Variants in SLC1A3 observed in about 807,000 individuals in gnomAD.
The protein encoded by SLC1A3 is solute carrier family 1 member 3, also known as excitatory amino acid transporter 1.
Under a neutral mutation model 48.1 loss-of-function variants are expected in SLC1A3, and 21 were observed. That is an observed-to-expected ratio of 0.44 (90% CI 0.31 to 0.63). The LOEUF (loss-of-function observed/expected upper bound fraction) is 0.63, where lower values mean the gene tolerates loss of function less well. Ranked by LOEUF, SLC1A3 falls within the 20% of genes least tolerant of loss-of-function variation. The pLI, the probability that SLC1A3 is intolerant of heterozygous loss-of-function variation, is 0.08. For missense variants in SLC1A3, 546 were observed against 689.0 expected (o/e 0.79, Z 2.32); for synonymous variants, 239 against 251.4 (o/e 0.95, Z 0.47).
chr5:36,683,156 T>C (rs10941312), intron 8 of SLC1A3, among the ~76,000 whole-genome samples: 64,648 of 152,080 alleles, frequency 0.43, 14,747 homozygotes, highest in African/African-American at 0.57. Flanking sequence ...TCCACTTGGA[T>C]AGGGGAATTA....
intron 3 of SLC1A3, among the ~76,000 whole-genome samples, chr5:36,653,667 A>G (rs1741174375): frequency 1.3e-5 from 2 of 152,188 alleles, no homozygotes; most frequent in Admixed American, 6.5e-5. Context: ...CTTCTTTCTC[A>G]ACCTGATGCA....
At chr5:36,679,194 G>T (rs1742330822) in intron 6 of SLC1A3, among the ~76,000 whole-genome samples, 1 of 152,168 alleles carries the variant, frequency 6.6e-6, no homozygotes, top group Non-Finnish European at 1.5e-5. Context: ...TGGTACAGTG[G>T]ATTCCGGCTG....
chr5:36,671,022 C>T lies in SLC1A3; in HGVS notation c.320-7C>T, dbSNP rs200867287. 1,826 of 1,613,358 alleles carry T rather than the reference C, an allele frequency of 1.1e-3. 3 individuals are homozygous for T. Among genetic ancestry groups the T allele is most frequent in the Non-Finnish European group, 1.5e-3 (1,759 of 1,179,510 alleles). ...CTTCCTGAAAATCTTCTGTTTGCCT[C>T]CACCAGGAATGGCGGCGCTAGATAG... On this transcript the variant is annotated splice_polypyrimidine_tract_variant and splice_region_variant and intron_variant, in intron 3 of 9. Coordinates refer to ENST00000265113, the MANE Select transcript of SLC1A3 (RefSeq NM_004172.5).
intron 3 of SLC1A3, among the ~76,000 whole-genome samples, chr5:36,670,394 A>G (rs548496942): frequency 3.3e-4 from 50 of 152,216 alleles, no homozygotes; most frequent in Non-Finnish European, 6.5e-4. Context: ...GAGATGAAAT[A>G]ATAGCAGAGA....
At chr5:36,674,018 AT>A (rs1467836378) in intron 4 of SLC1A3, 30 bp from the exon 5 acceptor site, 5 of 1,601,948 alleles carry the variant, frequency 3.1e-6, no homozygotes, top group African/African-American at 1.3e-5. Flanking sequence ...TACTTGGAAA[AT>A]TTTGCAAGTG....
At chr5:36,627,245 C>T (rs1160247290) in intron 2 of SLC1A3, among the ~76,000 whole-genome samples, 1 of 152,048 alleles carries the variant, frequency 6.6e-6, no homozygotes, top group African/African-American at 2.4e-5. Flanking sequence ...AAATAGTCAA[C>T]ATCATTAGAT....
intron 8 of SLC1A3, among the ~76,000 whole-genome samples, chr5:36,681,681 C>T (rs1173213009): frequency 2.0e-5 from 3 of 152,180 alleles, no homozygotes; most frequent in Admixed American, 6.5e-5. Context: ...GCCAGGCATA[C>T]GCATGTGCAT....
At chr5:36,643,505 T>C (rs1036460123) in intron 3 of SLC1A3, among the ~76,000 whole-genome samples, 6 of 152,214 alleles carry the variant, frequency 3.9e-5, no homozygotes, top group African/African-American at 1.4e-4. Context: ...CATTTTTTAA[T>C]GGGGGTGGCT....
chr5:36,643,979 T>C (rs572598228), intron 3 of SLC1A3, among the ~76,000 whole-genome samples: 12 of 151,318 alleles, frequency 7.9e-5, no homozygotes, highest in African/African-American at 2.7e-4. Flanking sequence ...GCCATTGCAC[T>C]CCAGCCTGGG....
At chr5:36,618,552 G>A (rs952633130) in intron 2 of SLC1A3, among the ~76,000 whole-genome samples, 3 of 152,124 alleles carry the variant, frequency 2.0e-5, no homozygotes, top group Admixed American at 6.5e-5. Context: ...GATGGGTCTC[G>A]GCTGGGCTCT....
chr5:36,621,537 G>A (rs1739668650), intron 2 of SLC1A3, among the ~76,000 whole-genome samples: 1 of 152,128 alleles, frequency 6.6e-6, no homozygotes, highest in Non-Finnish European at 1.5e-5. Context: ...GAGAGGTGAA[G>A]TAGAGGCAGA....
intron 1 of SLC1A3, among the ~76,000 whole-genome samples, chr5:36,599,375 G>T (rs1464232846): frequency 6.6e-6 from 1 of 152,072 alleles, no homozygotes; most frequent in African/African-American, 2.4e-5. Flanking sequence ...TTGTCCTGGG[G>T]CTTAGCTAGG....
chr5:36,660,588 G>A (rs768616527), intron 3 of SLC1A3, among the ~76,000 whole-genome samples: 1 of 152,186 alleles, frequency 6.6e-6, no homozygotes, highest in Non-Finnish European at 1.5e-5. Context: ...AGGGAAGAAT[G>A]TTCTGTTACA....
Position 36,686,694 on chromosome 5 carries a change from G to T in SLC1A3, c.*425G>T. The T allele has an allele frequency of 3.8e-6, 1 of 261,148 alleles. No individual in the cohort carries two copies. Among genetic ancestry groups the T allele is most frequent in the Non-Finnish European group, 7.5e-6 (1 of 133,246 alleles). The allele number at this position is 261,148 out of a possible 1,614,324, so 16.2% of individuals were successfully genotyped here. On this transcript the variant is annotated 3_prime_UTR_variant, in exon 10 of 10. Transcript: ENST00000265113. ...TTTAGTTTCAAAATGTTAACAACTTGAATTACAACCGGTTATCAGTTGGAC... is the reference window on the plus strand; with the variant it reads ...TTTAGTTTCAAAATGTTAACAACTTTAATTACAACCGGTTATCAGTTGGAC...
At chr5:36,634,360 C>T (rs555625598) in intron 3 of SLC1A3, among the ~76,000 whole-genome samples, 2 of 152,108 alleles carry the variant, frequency 1.3e-5, no homozygotes, top group Non-Finnish European at 2.9e-5. Context: ...CACATTAGTA[C>T]CAAAATAAGA....
chr5:36,641,109 C>A (rs889269045), intron 3 of SLC1A3, among the ~76,000 whole-genome samples: 6 of 152,036 alleles, frequency 3.9e-5, no homozygotes, highest in Admixed American at 2.6e-4. Context: ...ATATTAATTA[C>A]CAAAACCCTC....
intron 3 of SLC1A3, among the ~76,000 whole-genome samples, chr5:36,653,340 A>ATTAAAG (rs1266084070): frequency 2.0e-5 from 3 of 152,194 alleles, no homozygotes; most frequent in Non-Finnish European, 4.4e-5. Flanking sequence ...CAATTTCAAC[A>ATTAAAG]GCTTTTAGGC....
At chr5:36,636,487 CTTTCTTTCTTTCTTTCTTTT>C (rs1740377656) in intron 3 of SLC1A3, 5 of 144,454 alleles carry the variant, frequency 3.5e-5, no homozygotes, top group African/African-American at 1.1e-4. Context: ...TTCTTTCTTT[CTTTCTTTCTTTCTTTCTTTT>C]TCTTTCTTTC....
intron 3 of SLC1A3, among the ~76,000 whole-genome samples, chr5:36,641,287 T>C (rs1740608744): frequency 6.6e-6 from 1 of 152,232 alleles, no homozygotes; most frequent in Non-Finnish European, 1.5e-5. Flanking sequence ...CTAAAATGTA[T>C]TGTAGTCTGA....
Sources: gnomAD v4.1 joint callset for allele counts (sites outside exome capture counted in the v4.1 genomes callset) on GRCh38, gnomAD v4.1.1 for gene constraint, MANE v1.5 for transcripts, NCBI Gene and HGNC (gene_info 2026-07-23, HGNC 2026-07-21) for gene names.